Variants in TSNAXIP1 observed in about 807,000 individuals in gnomAD.
TSNAXIP1 encodes the protein translin-associated factor X-interacting protein 1.
Under a neutral mutation model 84.8 loss-of-function variants are expected in TSNAXIP1, and 89 were observed. The observed-to-expected ratio is 1.05, with a 90% CI of 0.88 to 1.25. The LOEUF is 1.25. Among genes scored for constraint, TSNAXIP1 ranks in the 50% most tolerant of loss-of-function variants. The probability of loss-of-function intolerance (pLI) is 0.00; values close to 1 mark genes in which losing one functional copy is unlikely to be tolerated. For missense variants in TSNAXIP1, 874 were observed against 887.6 expected (o/e 0.98, Z 0.20); for synonymous variants, 347 against 335.2 (o/e 1.04, Z -0.39).
Position 67,827,817 on chromosome 16 carries a change from A to G in TSNAXIP1, c.1963A>G (p.Lys655Glu). 3 of 1,613,722 alleles carry G rather than the reference A, an allele frequency of 1.9e-6. No individual in the cohort carries two copies. The highest frequency in any genetic ancestry group is 2.5e-6 in the Non-Finnish European group (3 of 1,179,714). ...GATGACCATCGACCCCAGCCTGGAC[A>G]AGCAGACAGTGAACACCTACATGAG... Reference protein sequence around the residue: ...GLMTIDPSLDKQTVNTYMSQA... With the variant: ...GLMTIDPSLDEQTVNTYMSQA... The change falls in exon 16 of 16, where the codon AAG (lysine) becomes GAG (glutamate). Residue 655 changes from lysine (K) to glutamate (E), a missense_variant. By Grantham distance (56) the Lys-to-Glu change is moderately conservative (BLOSUM62 1). Coordinates refer to ENST00000561639, the MANE Select transcript of TSNAXIP1 (RefSeq NM_001288990.3).
intron 1 of TSNAXIP1, among the ~76,000 whole-genome samples, chr16:67,811,154 G>T (rs377725631): frequency 6.6e-6 from 1 of 151,912 alleles, no homozygotes; most frequent in African/African-American, 2.4e-5. Context: ...TGCTCACCTC[G>T]GCCTCCCAAA....
intron 2 of TSNAXIP1, among the ~76,000 whole-genome samples, chr16:67,819,810 G>T (rs2056887485): frequency 7.5e-6 from 1 of 132,556 alleles, no homozygotes; most frequent in Non-Finnish European, 1.6e-5. Flanking sequence ...ACCACACCTG[G>T]CTAAATTTTT....
Position 67,825,994 on chromosome 16 carries a change from G to A in TSNAXIP1, c.1062G>A (p.Leu354=), listed in dbSNP as rs140856228. ...EILMQLHMST[L]KERDQFFSEL... ...TCATGCAGCTGCACATGAGCACGCT[G>A]AAGGAACGGGACCAATTCTTCTCTG... is the stretch of plus-strand genomic sequence containing the variant. The change falls in exon 9 of 16, where the codon CTG becomes CTA. Residue 354 remains leucine (L), a synonymous_variant. Coordinates refer to ENST00000561639, the MANE Select transcript of TSNAXIP1 (RefSeq NM_001288990.3). 67 of 1,613,968 alleles carry A rather than the reference G, an allele frequency of 4.2e-5. No homozygotes were observed. Among genetic ancestry groups the A allele is most frequent in the Middle Eastern group, 1.6e-4 (1 of 6,084 alleles).
intron 3 of TSNAXIP1, 67 bp from the exon 4 acceptor site, chr16:67,821,032 G>A: frequency 6.2e-7 from 1 of 1,605,128 alleles, no homozygotes; most frequent in South Asian, 1.1e-5. Flanking sequence ...GGCGTGTGTT[G>A]CCCCAGACTG....
intron 5 of TSNAXIP1, 125 bp downstream of exon 5, chr16:67,823,844 C>G: frequency 1.4e-6 from 1 of 706,704 alleles, no homozygotes; most frequent in Non-Finnish European, 2.3e-6. Flanking sequence ...TGGTGAAACC[C>G]TGTCTCTAGT....
At chr16:67,825,004 C>A in intron 6 of TSNAXIP1, 133 bp from the exon 7 acceptor site, 1 of 1,315,714 alleles carries the variant, frequency 7.6e-7, no homozygotes, top group Non-Finnish European at 1.0e-6. Context: ...AATGGCCAAT[C>A]TCCTTCTTCT....
intron 7 of TSNAXIP1, among the ~76,000 whole-genome samples, 179 bp from the exon 8 acceptor site, chr16:67,825,488 C>T (rs976287261): frequency 1.3e-5 from 2 of 152,194 alleles, no homozygotes; most frequent in Non-Finnish European, 2.9e-5. Flanking sequence ...CCTAGGCTCC[C>T]AGTGGGCTGG....
In TSNAXIP1 at chr16:67,814,449, C is replaced by T. The variant is rs143997851; in HGVS notation, c.147+48C>T. ...AACCCCAAATGTCAGCCCCCAGACC[C>T]TATCCGTCTCCCTTCCTGCAACCCA... is the stretch of plus-strand genomic sequence containing the variant. On this transcript the variant is annotated intron_variant, in intron 2 of 15. Transcript: ENST00000561639. 1.7e-4 allele frequency: 251 copies of T among 1,448,948 alleles called. 3 individuals carry two copies. The African/African-American group carries it at 2.9e-3, about 17-fold the overall frequency. The allele number at this position is 1,448,948 out of a possible 1,614,324, so 89.8% of individuals were successfully genotyped here. A position where few individuals can be genotyped will look rare whatever the true frequency, so the allele number is the denominator to read the frequency against.
chr16:67,814,282 G>C lies in TSNAXIP1; in HGVS notation c.48-20G>C. ...CTCTGGACTCTGTCACCCACCATCA[G>C]CTTTCCCTTCTCTGTGCAGATTACA... On this transcript the variant is annotated intron_variant, in intron 1 of 15. Coordinates refer to ENST00000561639, the MANE Select transcript of TSNAXIP1 (RefSeq NM_001288990.3). The C allele has an allele frequency of 6.6e-7, 1 of 1,525,060 alleles. No homozygotes were observed. The allele number at this position is 1,525,060 out of a possible 1,614,324, so 94.5% of individuals were successfully genotyped here.
chr16:67,807,872 ATCC>A (rs2055617074), intron 1 of TSNAXIP1: 1 of 155,526 alleles, frequency 6.4e-6, no homozygotes, highest in Admixed American at 6.4e-5. Flanking sequence ...TGGAGAGATC[ATCC>A]TCTGGGTAGC....
In TSNAXIP1 at chr16:67,820,933, A is replaced by G. The variant is rs563765050; in HGVS notation, c.242A>G (p.Asp81Gly). The G allele has an allele frequency of 3.1e-6, 5 of 1,602,690 alleles. No homozygotes were observed. The highest frequency in any genetic ancestry group is 1.7e-4 in the Middle Eastern group (1 of 5,996). Residue 81 changes from aspartate (D) to glycine (G), a missense_variant, in exon 3 of 16, where the codon GAC becomes GGC. Coordinates refer to ENST00000561639, the MANE Select transcript of TSNAXIP1 (RefSeq NM_001288990.3). ...ILQNRKPCSDDYRKRVGSCQQ... is the reference protein window; with the variant it reads ...ILQNRKPCSDGYRKRVGSCQQ... ...CAAAATCGAAAACCCTGTTCAGATG[A>G]CTACCGGAAGCGAGTAGGGTAAGCC... is the stretch of plus-strand genomic sequence containing the variant.
intron 1 of TSNAXIP1, among the ~76,000 whole-genome samples, chr16:67,811,616 AT>A (rs1163683237): frequency 6.6e-6 from 1 of 150,886 alleles, no homozygotes; most frequent in Non-Finnish European, 1.5e-5. Context: ...TAATTTTTGT[AT>A]TTTTTTAGTA....
At chr16:67,807,304 ATCTAGGGC>A in intron 1 of TSNAXIP1, 108 bp downstream of exon 1, 1 of 1,534,540 alleles carries the variant, frequency 6.5e-7, no homozygotes. Context: ...CTGACCATTG[ATCTAGGGC>A]TCCAGCACCA....
At chr16:67,823,753 C>A in intron 5 of TSNAXIP1, 34 bp downstream of exon 5, 1 of 1,568,966 alleles carries the variant, frequency 6.4e-7, no homozygotes, top group Non-Finnish European at 8.8e-7. Flanking sequence ...CGTAGTGGCT[C>A]ACGCCTGTAA....
At chr16:67,810,342 C>T (rs978944494) in intron 1 of TSNAXIP1, among the ~76,000 whole-genome samples, 5 of 152,086 alleles carry the variant, frequency 3.3e-5, no homozygotes, top group East Asian at 1.9e-4. Context: ...AGCTTGAGGC[C>T]GGGTACGGTG....
Position 67,826,963 on chromosome 16 carries a change from C to A in TSNAXIP1, c.1555C>A (p.Arg519=), listed in dbSNP as rs147482112. ...GTGAATAATGCTTCTCTCCTTATAG[C>A]GGAGTGAGAATGTGTATGTCACCCA... ...SQFYAVLMGK[R]SENVYVTQKE... is the part of the protein sequence containing the mutation. The change falls in exon 13 of 16, where the codon CGG becomes AGG. Residue 519 remains arginine (R), a splice_region_variant and synonymous_variant. Transcript: ENST00000561639. 225 of 1,614,008 alleles carry A rather than the reference C, an allele frequency of 1.4e-4. No individual in the cohort carries two copies. In the African/African-American group the frequency reaches 2.6e-3, roughly 19 times the overall value.
At position 67,826,969 on chromosome 16, in the gene TSNAXIP1, G is replaced by A. The variant is rs1173683292; in HGVS notation, c.1561G>A (p.Glu521Lys). 2 of 1,614,136 alleles carry A rather than the reference G, an allele frequency of 1.2e-6. No individual in the cohort carries two copies. Among genetic ancestry groups the A allele is most frequent in the Admixed American group, 3.3e-5 (2 of 60,014 alleles). ...AATGCTTCTCTCCTTATAGCGGAGT[G>A]AGAATGTGTATGTCACCCAGAAGGA... ...FYAVLMGKRS[E>K]NVYVTQKETV... is the part of the protein sequence containing the mutation. Residue 521 changes from glutamate (E) to lysine (K), a missense_variant, in exon 13 of 16, where the codon GAG (glutamate) becomes AAG (lysine). Physicochemically the swap from Glu to Lys is moderately conservative, Grantham distance 56. Coordinates refer to ENST00000561639, the MANE Select transcript of TSNAXIP1 (RefSeq NM_001288990.3).
intron 1 of TSNAXIP1, among the ~76,000 whole-genome samples, chr16:67,813,731 C>CAAAAAAA (rs373627128): frequency 0.047 from 1,919 of 41,144 alleles, 111 homozygotes; most frequent in Non-Finnish European, 0.064. Flanking sequence ...GACTCCGTCT[C>CAAAAAAA]AAAAAAAAAA....
At chr16:67,811,590 C>T (rs564299240) in intron 1 of TSNAXIP1, among the ~76,000 whole-genome samples, 3 of 151,522 alleles carry the variant, frequency 2.0e-5, no homozygotes, top group South Asian at 2.1e-4. Flanking sequence ...TACAGGTGCC[C>T]GCCACCACAC....
Sources: gnomAD v4.1 joint callset for allele counts (sites outside exome capture counted in the v4.1 genomes callset) on GRCh38, gnomAD v4.1.1 for gene constraint, MANE v1.5 for transcripts, NCBI Gene and HGNC (gene_info 2026-07-23, HGNC 2026-07-21) for gene names.